Variants in PLBD1 observed in about 807,000 individuals in gnomAD.
The protein encoded by PLBD1 is lysosomal leucine aminopeptidase.
A neutral mutation model predicts 63.0 loss-of-function variants in PLBD1; 60 were observed. The ratio of observed to expected loss-of-function variants is 0.95; its 90% confidence interval spans 0.77 to 1.18. The LOEUF (loss-of-function observed/expected upper bound fraction) is 1.18. PLBD1 is among the 50% of genes most tolerant of loss of function. The pLI is 0.00. For missense variants in PLBD1, 598 were observed against 677.9 expected (o/e 0.88, Z 1.31); for synonymous variants, 262 against 248.0 (o/e 1.06, Z -0.53).
At chr12:14,539,560 TG>T (rs1221393650) in intron 4 of PLBD1, among the ~76,000 whole-genome samples, 3 of 151,982 alleles carry the variant, frequency 2.0e-5, no homozygotes, top group African/African-American at 7.2e-5. Flanking sequence ...TTGAGGCGGA[TG>T]GATCTTTTGA....
At chr12:14,512,634 G>A (rs1945306973) in intron 6 of PLBD1, among the ~76,000 whole-genome samples, 1 of 152,166 alleles carries the variant, frequency 6.6e-6, no homozygotes, top group South Asian at 2.1e-4. Context: ...GATGAGTATG[G>A]AAAGGATAGA....
At chr12:14,519,914 A>T (rs1427578318) in intron 6 of PLBD1, among the ~76,000 whole-genome samples, 1 of 152,228 alleles carries the variant, frequency 6.6e-6, no homozygotes, top group Non-Finnish European at 1.5e-5. Context: ...ATCAAAGTCT[A>T]GTATTGCAGA....
At chr12:14,533,777 T>A (rs1945487546) in intron 6 of PLBD1, among the ~76,000 whole-genome samples, 1 of 152,168 alleles carries the variant, frequency 6.6e-6, no homozygotes, top group Admixed American at 6.5e-5. Flanking sequence ...AAGACAAAGA[T>A]GAAATCAAAT....
intron 10 of PLBD1, 57 bp downstream of exon 10, chr12:14,506,105 C>T: frequency 8.0e-7 from 1 of 1,257,704 alleles, no homozygotes; most frequent in South Asian, 1.4e-5. Context: ...GCAACTTTGC[C>T]TTTGGAGAGG....
intron 1 of PLBD1, among the ~76,000 whole-genome samples, chr12:14,562,459 C>CTAA (rs1945748397): frequency 9.8e-6 from 1 of 102,030 alleles, no homozygotes; most frequent in Non-Finnish European, 1.8e-5. Flanking sequence ...GACTCCCTCT[C>CTAA]AAAAAAAAAA....
intron 1 of PLBD1, among the ~76,000 whole-genome samples, chr12:14,556,415 G>A (rs1234165593): frequency 6.6e-6 from 1 of 151,714 alleles, no homozygotes; most frequent in Non-Finnish European, 1.5e-5. Context: ...TGTCATCCAG[G>A]GTGGAGTGCA....
intron 6 of PLBD1, among the ~76,000 whole-genome samples, chr12:14,535,175 G>GTT (rs1945503034): frequency 6.6e-6 from 1 of 152,140 alleles, no homozygotes; most frequent in Non-Finnish European, 1.5e-5. Flanking sequence ...TGAGTATAGT[G>GTT]TAAGGTTTAT....
rs1298777391 is a variant in PLBD1, at chr12:14,506,932, C to G, written c.1372+1G>C. On this transcript the variant is annotated splice_donor_variant, in intron 9 of 10. Coordinates refer to ENST00000240617, the MANE Select transcript of PLBD1 (RefSeq NM_024829.6). LOFTEE classifies it high-confidence loss of function. ...TGATTCTTGAGAAATATGCTACGTA[C>G]TGTTGTATCGCATGATATATTTCAT... The G allele has an allele frequency of 2.5e-6, 4 of 1,613,196 alleles. No individual in the cohort carries two copies. Among genetic ancestry groups the G allele is most frequent in the South Asian group, 1.1e-5 (1 of 91,004 alleles).
chr12:14,548,461 A>AAAAC (rs1270960795), intron 2 of PLBD1, among the ~76,000 whole-genome samples: 1 of 30,582 alleles, frequency 3.3e-5, no homozygotes, highest in East Asian at 1.6e-3. Context: ...CATCTCCAAA[A>AAAAC]AAAAAAAAAA....
At chr12:14,511,767 T>G in intron 6 of PLBD1, 56 bp from the exon 7 acceptor site, 1 of 1,506,830 alleles carries the variant, frequency 6.6e-7, no homozygotes, top group African/African-American at 1.4e-5. Context: ...CAGTGAACCA[T>G]CATTATTGAC....
intron 2 of PLBD1, among the ~76,000 whole-genome samples, chr12:14,545,012 T>A (rs1481413977): frequency 3.3e-5 from 5 of 151,996 alleles, no homozygotes; most frequent in Non-Finnish European, 5.9e-5. Flanking sequence ...CCCCTCTCTG[T>A]CTCTCTCCCT....
intron 6 of PLBD1, among the ~76,000 whole-genome samples, chr12:14,514,927 G>T (rs1444025198): frequency 6.6e-6 from 1 of 152,018 alleles, no homozygotes; most frequent in Admixed American, 6.6e-5. Context: ...GGCAGATTGA[G>T]ATCAGGAGAA....
chr12:14,540,015 TATATATATATATATATATATA>T (rs1945554952), intron 4 of PLBD1, among the ~76,000 whole-genome samples: 1 of 10,882 alleles, frequency 9.2e-5, no homozygotes, highest in African/African-American at 1.1e-4. Context: ...GCTATGCACA[TATATATATATATATATATATA>T]TATATATATA....
intron 6 of PLBD1, among the ~76,000 whole-genome samples, chr12:14,526,146 T>C (rs1945413939): frequency 6.6e-6 from 1 of 152,136 alleles, no homozygotes; most frequent in Admixed American, 6.5e-5. Context: ...AATCTAAATA[T>C]ATAAATATTT....
At chr12:14,534,236 A>G (rs529091431) in intron 6 of PLBD1, among the ~76,000 whole-genome samples, 4 of 152,200 alleles carry the variant, frequency 2.6e-5, no homozygotes, top group African/African-American at 7.2e-5. Flanking sequence ...TAACCACCCC[A>G]TAAGTTACGG....
chr12:14,553,207 A>T lies in PLBD1; in HGVS notation c.321T>A (p.Gly107=). ...IIMFVAGFLE[G]YLTAPHMNDH... is the part of the protein sequence containing the mutation. Reference sequence around the variant, plus strand: ...GGGATACTTACGGGGCAGTGAGGTAACCCTCCAAAAAGCCAGCCACAAACA... The same window carrying T: ...GGGATACTTACGGGGCAGTGAGGTATCCCTCCAAAAAGCCAGCCACAAACA... The change falls in exon 2 of 11, where the codon GGT becomes GGA. Residue 107 remains glycine, a synonymous_variant. Coordinates refer to ENST00000240617, the MANE Select transcript of PLBD1 (RefSeq NM_024829.6). 2 of 1,611,582 alleles carry T rather than the reference A, an allele frequency of 1.2e-6. No homozygotes were observed. Among genetic ancestry groups the T allele is most frequent in the Non-Finnish European group, 1.7e-6 (2 of 1,179,164 alleles).
rs2136919231 is a variant in PLBD1, at chr12:14,534,276, G to C, written c.844+1383C>G. ...GTAATTAAAGGTCAAACTGGTTACA[G>C]TGTATCCAGTTGAACCCTTAGATGT... On this transcript the variant is annotated intron_variant, in intron 6 of 10. Transcript: ENST00000240617. Among the ~76,000 whole-genome samples, 2 of 152,354 alleles carry C rather than the reference G, an allele frequency of 1.3e-5. 1 individual carries two copies. The highest frequency in any genetic ancestry group is 4.1e-4 in the South Asian group (2 of 4,820).
At chr12:14,538,376 T>C (rs1469671051) in intron 4 of PLBD1, among the ~76,000 whole-genome samples, 1 of 151,982 alleles carries the variant, frequency 6.6e-6, no homozygotes, top group Non-Finnish European at 1.5e-5. Context: ...TAGTTTTTTG[T>C]AGAGATGGGG....
intron 1 of PLBD1, among the ~76,000 whole-genome samples, chr12:14,555,375 T>C (rs1945694577): frequency 6.6e-6 from 1 of 152,046 alleles, no homozygotes; most frequent in Non-Finnish European, 1.5e-5. Context: ...TCGTCTCTAC[T>C]AAAAGTACAA....
Sources: allele counts gnomAD v4.1 joint callset (sites outside exome capture counted in the v4.1 genomes callset), GRCh38; gene constraint gnomAD v4.1.1; transcripts MANE v1.5; gene names NCBI Gene and HGNC (gene_info 2026-07-23, HGNC 2026-07-21).